Variants in HIVEP2 observed in about 807,000 individuals in gnomAD.
HIVEP2 encodes the protein HIVEP zinc finger 2.
Under a neutral mutation model 180.7 loss-of-function variants are expected in HIVEP2, and 14 were observed. That is an observed-to-expected ratio of 0.08 (90% CI 0.05 to 0.12). HIVEP2 has a LOEUF of 0.12. Ranked by LOEUF, HIVEP2 falls within the 10% of genes least tolerant of loss-of-function variation. The pLI is 1.00. For missense variants in HIVEP2, 2,579 were observed against 3,008.5 expected (o/e 0.86, Z 3.34); for synonymous variants, 1,184 against 1,136.4 (o/e 1.04, Z -0.84).
At chr6:142,855,154 C>A (rs553494862) in intron 1 of HIVEP2, among the ~76,000 whole-genome samples, 1 of 152,194 alleles carries the variant, frequency 6.6e-6, no homozygotes, top group Non-Finnish European at 1.5e-5. Flanking sequence ...GGGTCCCAGT[C>A]ACATGGAGTG....
intron 2 of HIVEP2, among the ~76,000 whole-genome samples, chr6:142,815,270 A>C (rs79908324): frequency 0.052 from 7,975 of 152,196 alleles, 275 homozygotes; most frequent in Middle Eastern, 0.071. Flanking sequence ...AGAACACCGC[A>C]CTGCAACATT....
At chr6:142,842,566 T>A (rs1775393944) in intron 1 of HIVEP2, among the ~76,000 whole-genome samples, 1 of 152,190 alleles carries the variant, frequency 6.6e-6, no homozygotes, top group African/African-American at 2.4e-5. Flanking sequence ...TGTGTCAAGT[T>A]TGTCAAGTCG....
At chr6:142,880,811 C>T (rs1457235898) in intron 1 of HIVEP2, among the ~76,000 whole-genome samples, 1 of 152,134 alleles carries the variant, frequency 6.6e-6, no homozygotes, top group Non-Finnish European at 1.5e-5. Context: ...GCCACAATCA[C>T]AACTGCAGGT....
At chr6:142,903,525 T>C (rs1025689416) in intron 1 of HIVEP2, among the ~76,000 whole-genome samples, 3 of 152,192 alleles carry the variant, frequency 2.0e-5, no homozygotes, top group Non-Finnish European at 4.4e-5. Flanking sequence ...ATCCACAAAA[T>C]ATTAATGTTA....
chr6:142,829,844 C>T (rs1775029597), intron 2 of HIVEP2, among the ~76,000 whole-genome samples: 1 of 152,120 alleles, frequency 6.6e-6, no homozygotes, highest in Non-Finnish European at 1.5e-5. Context: ...CTGCTACAGC[C>T]AATGAATAAT....
rs1441767340 is a variant in HIVEP2 at position 142,943,231 on chromosome 6, A to G, written c.-641+1868T>C. Among the ~76,000 whole-genome samples, 2 of 152,184 alleles carry G rather than the reference A, an allele frequency of 1.3e-5. No homozygotes were observed. The highest frequency in any genetic ancestry group is 4.8e-5 in the African/African-American group (2 of 41,450). On this transcript the variant is annotated intron_variant, in intron 1 of 9. Coordinates refer to ENST00000367603, the MANE Select transcript of HIVEP2 (RefSeq NM_006734.4). The surrounding 1 kb of genome is among the most constrained non-coding windows in gnomAD (Gnocchi z 4.5). ...ATCAAACCCAATCTACTCATTCCAC[A>G]GTCTACTTCGTTAAAATTCTGCTTC...
chr6:142,891,281 CCTA>C (rs1380658656), intron 1 of HIVEP2, among the ~76,000 whole-genome samples: 1 of 152,054 alleles, frequency 6.6e-6, no homozygotes, highest in Non-Finnish European at 1.5e-5. Flanking sequence ...CAAGGAATTT[CCTA>C]CTGTTTCTCA....
At chr6:142,910,211 T>C (rs969388134) in intron 1 of HIVEP2, among the ~76,000 whole-genome samples, 2 of 152,260 alleles carry the variant, frequency 1.3e-5, no homozygotes, top group African/African-American at 4.8e-5. Flanking sequence ...GATGAGATAT[T>C]TCTATTACCC....
At chr6:142,862,954 A>C (rs1279400443) in intron 1 of HIVEP2, among the ~76,000 whole-genome samples, 1 of 133,938 alleles carries the variant, frequency 7.5e-6, no homozygotes, top group Non-Finnish European at 1.6e-5. Context: ...AATATAATAT[A>C]TATTGTGTAC....
chr6:142,772,049 G>A lies in HIVEP2; in HGVS notation c.2690C>T (p.Pro897Leu). 1 of 1,614,170 alleles carries A rather than the reference G, an allele frequency of 6.2e-7. No homozygotes were observed. Among genetic ancestry groups the A allele is most frequent in the Non-Finnish European group, 8.5e-7 (1 of 1,180,036 alleles). The change falls in exon 5 of 10, where the codon CCT becomes CTT. Residue 897 changes from proline to leucine, a missense_variant. By Grantham distance (98) the Pro-to-Leu change is moderately conservative (BLOSUM62 -3). Coordinates refer to ENST00000367603, the MANE Select transcript of HIVEP2 (RefSeq NM_006734.4). This position sits in a 1 kb window ranked among gnomAD's most constrained non-coding sequence, Gnocchi z 4.9. ...TTCCTTCTCCTTCTCAGGTTTATCAGGCTCCTCGGTCACTCGAATCTCAGG... is the reference window on the plus strand; with the variant it reads ...TTCCTTCTCCTTCTCAGGTTTATCAAGCTCCTCGGTCACTCGAATCTCAGG... ...QVPEIRVTEE[P>L]DKPEKEKEAQ...
chr6:142,852,417 G>A (rs967484092), intron 1 of HIVEP2, among the ~76,000 whole-genome samples: 1 of 151,980 alleles, frequency 6.6e-6, no homozygotes, highest in African/African-American at 2.4e-5. Flanking sequence ...GGAGCTCAGG[G>A]GCTAGTGAAG....
At chr6:142,868,142 CCGGGCTACAG>C in intron 1 of HIVEP2, among the ~76,000 whole-genome samples, 2 of 152,270 alleles carry the variant, frequency 1.3e-5, no homozygotes, top group Middle Eastern at 3.4e-3. Context: ...AGTTATCCTA[CCGGGCTACAG>C]TTCACTTAAC....
At chr6:142,812,616 A>C (rs1434622053) in intron 2 of HIVEP2, among the ~76,000 whole-genome samples, 1 of 152,188 alleles carries the variant, frequency 6.6e-6, no homozygotes, top group Non-Finnish European at 1.5e-5. Context: ...AAAGTGGAAA[A>C]GTGTGACCTA....
chr6:142,905,310 G>T (rs182987990), intron 1 of HIVEP2, among the ~76,000 whole-genome samples: 27 of 152,112 alleles, frequency 1.8e-4, no homozygotes, highest in Middle Eastern at 3.4e-3. Context: ...AATTCCAAAA[G>T]TGCATCCTGT....
intron 1 of HIVEP2, among the ~76,000 whole-genome samples, chr6:142,857,384 T>C (rs552096659): frequency 5.9e-5 from 9 of 152,314 alleles, no homozygotes; most frequent in African/African-American, 2.2e-4. Context: ...CAAATGCTCT[T>C]ATTTTGTATG....
intron 1 of HIVEP2, among the ~76,000 whole-genome samples, chr6:142,864,271 A>C (rs973804961): frequency 6.6e-6 from 1 of 152,082 alleles, no homozygotes; most frequent in African/African-American, 2.4e-5. Flanking sequence ...CAGGAGTGTC[A>C]CCTGGAGCCT....
At chr6:142,802,182 T>C (rs1200874227) in intron 2 of HIVEP2, among the ~76,000 whole-genome samples, 1 of 152,180 alleles carries the variant, frequency 6.6e-6, no homozygotes, top group South Asian at 2.1e-4. Context: ...TTCAAACTTA[T>C]GGCTTCACCA....
At chr6:142,783,970 C>T (rs1775922347) in intron 2 of HIVEP2, among the ~76,000 whole-genome samples, 1 of 152,140 alleles carries the variant, frequency 6.6e-6, no homozygotes, top group Admixed American at 6.5e-5. Flanking sequence ...GCAACTAAAC[C>T]TCGCAGGATG....
chr6:142,876,461 G>C (rs1776440297), intron 1 of HIVEP2, among the ~76,000 whole-genome samples: 1 of 152,110 alleles, frequency 6.6e-6, no homozygotes. Flanking sequence ...CAGCGTATGA[G>C]ATCAATTCAA....
Sources: allele counts gnomAD v4.1 joint callset (sites outside exome capture counted in the v4.1 genomes callset), GRCh38; gene constraint gnomAD v4.1.1; non-coding constraint Gnocchi (gnomAD v3.1); transcripts MANE v1.5; gene names NCBI Gene and HGNC (gene_info 2026-07-23, HGNC 2026-07-21).